Variants in SLC23A2 observed in about 807,000 individuals in gnomAD.
SLC23A2 encodes the protein Na(+)/L-ascorbic acid transporter 2.
SLC23A2 carries 36 observed loss-of-function variants against 73.3 expected under a neutral mutation model. That is an observed-to-expected ratio of 0.49 (90% CI 0.38 to 0.65). The LOEUF is 0.65. Ranked by LOEUF, SLC23A2 falls within the 30% of genes least tolerant of loss-of-function variation. SLC23A2 has a pLI of 0.00. For synonymous variants in SLC23A2, 343 were observed against 327.3 expected, an observed-to-expected ratio of 1.05 and a Z score of -0.52; for missense variants, 507 against 841.6, an observed-to-expected ratio of 0.60 and a Z score of 4.92.
chr20:5,005,273 T>C (rs910164873), upstream of SLC23A2, among the ~76,000 whole-genome samples: 6 of 152,076 alleles, frequency 3.9e-5, no homozygotes, highest in African/African-American at 1.4e-4. Flanking sequence ...ATATCATTAT[T>C]TTTACATAAT....
At chr20:4,931,633 G>A (rs56671692) in intron 3 of SLC23A2, among the ~76,000 whole-genome samples, 8,406 of 152,048 alleles carry the variant, frequency 0.055, 367 homozygotes, top group South Asian at 0.11. Flanking sequence ...TAGACTACAG[G>A]CTGCACACAC....
At chr20:4,978,931 A>G (rs1018951016) in intron 1 of SLC23A2, among the ~76,000 whole-genome samples, 4 of 152,208 alleles carry the variant, frequency 2.6e-5, no homozygotes, top group Admixed American at 2.0e-4. Context: ...TAAGGCTATT[A>G]TCTAAGTATG....
At position 4,917,432 on chromosome 20, in the gene SLC23A2, A is replaced by G. The variant is rs6038014; in HGVS notation, c.109-4454T>C. On this transcript the variant is annotated intron_variant, in intron 3 of 16. Coordinates refer to ENST00000338244, the MANE Select transcript of SLC23A2 (RefSeq NM_005116.6). ...CGGGGAGATGCCATCACAGCACAGC[A>G]GGGGGCACGGGAGTAAAGTGTCCAG... Among the ~76,000 whole-genome samples the G allele has an allele frequency of 2.4e-3, 363 of 152,228 alleles. 3 individuals carry two copies. Among genetic ancestry groups the G allele is most frequent in the African/African-American group, 8.5e-3 (355 of 41,546 alleles).
At chr20:4,919,008 G>A (rs771328891) in intron 3 of SLC23A2, among the ~76,000 whole-genome samples, 5 of 152,216 alleles carry the variant, frequency 3.3e-5, no homozygotes, top group South Asian at 2.1e-4. Context: ...TAATAGATTC[G>A]TGTTTCCCAG....
At position 4,975,208 on chromosome 20, in the gene SLC23A2, G is replaced by A. The variant is rs746251624; in HGVS notation, c.-281-4289C>T. On this transcript the variant is annotated intron_variant, in intron 1 of 16. Transcript: ENST00000338244. ...TCTTAGTTATTTCCCAGCCTTCCTC[G>A]TAAGAAATGGGAAATGAAAAAGCTT... Among the ~76,000 whole-genome samples the A allele has an allele frequency of 5.1e-4, 78 of 152,196 alleles. 1 individual carries two copies. Among genetic ancestry groups the A allele is most frequent in the Admixed American group, 3.6e-3 (55 of 15,282 alleles).
intron 1 of SLC23A2, among the ~76,000 whole-genome samples, chr20:4,990,057 T>C (rs1395043115): frequency 6.6e-6 from 1 of 152,064 alleles, no homozygotes; most frequent in Non-Finnish European, 1.5e-5. Flanking sequence ...ACGGCAAACT[T>C]AAGGTCACAT....
chr20:4,992,118 G>C (rs967952627), intron 1 of SLC23A2, among the ~76,000 whole-genome samples: 2 of 152,050 alleles, frequency 1.3e-5, no homozygotes. Flanking sequence ...TCAAGATGGA[G>C]GGAGTATTTT....
chr20:4,863,675 G>A lies in SLC23A2; in HGVS notation c.1357-768C>T, dbSNP rs1035993305. 1.3e-5 allele frequency among the ~76,000 whole-genome samples: 2 copies of A among 152,078 alleles called. No homozygotes were observed. Among genetic ancestry groups the A allele is most frequent in the African/African-American group, 2.4e-5 (1 of 41,408 alleles). Reference sequence around the variant, plus strand: ...AATTGGGGAGGCTGGTCCCCTGCTTGCATCCTCTGGTACTCATGAAATAAA... The same window carrying A: ...AATTGGGGAGGCTGGTCCCCTGCTTACATCCTCTGGTACTCATGAAATAAA... On this transcript the variant is annotated intron_variant, in intron 13 of 16. Coordinates refer to ENST00000338244, the MANE Select transcript of SLC23A2 (RefSeq NM_005116.6). The surrounding 1 kb of genome is among the most constrained non-coding windows in gnomAD (Gnocchi z 4.8).
At chr20:4,959,081 T>C (rs1236575450) in intron 2 of SLC23A2, among the ~76,000 whole-genome samples, 1 of 151,456 alleles carries the variant, frequency 6.6e-6, no homozygotes, top group Non-Finnish European at 1.5e-5. Context: ...TAGCTGGGCA[T>C]GGTAGCACAT....
intron 1 of SLC23A2, among the ~76,000 whole-genome samples, chr20:5,009,429 G>A (rs140953060): frequency 1.2e-3 from 183 of 152,274 alleles, no homozygotes; most frequent in African/African-American, 3.7e-3. Flanking sequence ...CTAGGCTGGT[G>A]CAAGTATACT....
At position 4,874,567 on chromosome 20, in the gene SLC23A2, G is replaced by C; in HGVS notation, c.945+9C>G. ...AAAATGTCAGCAGGGGAAGAAGTCA[G>C]CTACTCACAGGGAACATTTTGAACA... On this transcript the variant is annotated intron_variant, in intron 10 of 16. Transcript: ENST00000338244. 1 of 1,584,320 alleles carries C rather than the reference G, an allele frequency of 6.3e-7. No homozygotes were observed. Among genetic ancestry groups the C allele is most frequent in the Non-Finnish European group, 8.6e-7 (1 of 1,165,930 alleles).
At chr20:4,893,552 A>G (rs1202851010) in intron 6 of SLC23A2, among the ~76,000 whole-genome samples, 1 of 152,150 alleles carries the variant, frequency 6.6e-6, no homozygotes, top group Non-Finnish European at 1.5e-5. Flanking sequence ...AGTCTCCTGG[A>G]GCCACCCCTT....
chr20:4,879,425 A>AAAAAAG, intron 9 of SLC23A2, among the ~76,000 whole-genome samples: 1 of 151,354 alleles, frequency 6.6e-6, no homozygotes, highest in South Asian at 2.1e-4. Context: ...AAAAAAAAAA[A>AAAAAAG]AAAAAAAATC....
rs778859781 is a variant in SLC23A2, at chr20:4,862,776, A to C, written c.1486+2T>G. The stretch of plus-strand genomic sequence containing the variant: ...GGAAAAAGCCAGAGAGGGGAGTCTT[A>C]CCAAAGAGCGTGCAGAACAGGGCTC... On this transcript the variant is annotated splice_donor_variant, in intron 14 of 16. Transcript: ENST00000338244. LOFTEE classifies it high-confidence loss of function. This position sits in a 1 kb window ranked among gnomAD's most constrained non-coding sequence, Gnocchi z 5.1. The C allele has an allele frequency of 6.2e-7, 1 of 1,610,400 alleles. No homozygotes were observed. Among genetic ancestry groups the C allele is most frequent in the Non-Finnish European group, 8.5e-7 (1 of 1,177,182 alleles).
intron 4 of SLC23A2, among the ~76,000 whole-genome samples, chr20:4,910,952 C>T (rs1012595870): frequency 1.3e-5 from 2 of 152,160 alleles, no homozygotes; most frequent in East Asian, 3.8e-4. Context: ...ACAACTGGAT[C>T]CCTCCCATCA....
At chr20:4,968,882 C>T (rs1011850459) in intron 2 of SLC23A2, among the ~76,000 whole-genome samples, 1 of 151,646 alleles carries the variant, frequency 6.6e-6, no homozygotes, top group African/African-American at 2.4e-5. Context: ...CCATGCCTGG[C>T]TAATTTTTGT....
intron 4 of SLC23A2, among the ~76,000 whole-genome samples, chr20:4,903,759 T>C (rs1373080582): frequency 6.6e-6 from 1 of 152,206 alleles, no homozygotes; most frequent in Non-Finnish European, 1.5e-5. Flanking sequence ...TAACAAGGGA[T>C]ACTGGCAAAT....
intron 3 of SLC23A2, 56 bp from the exon 4 acceptor site, chr20:4,913,034 C>G (rs543346270): frequency 1.6e-4 from 189 of 1,159,526 alleles, no homozygotes; most frequent in East Asian, 1.0e-3. Context: ...TTTCCTCCCC[C>G]CGAAAGCCAT....
chr20:4,890,218 T>A (rs1286820947), intron 6 of SLC23A2, among the ~76,000 whole-genome samples: 5 of 152,164 alleles, frequency 3.3e-5, no homozygotes, highest in African/African-American at 1.2e-4. Context: ...AACCCTGCAT[T>A]GTCAAATGAA....
Sources: allele counts gnomAD v4.1 joint callset (sites outside exome capture counted in the v4.1 genomes callset), GRCh38; gene constraint gnomAD v4.1.1; non-coding constraint Gnocchi (gnomAD v3.1); transcripts MANE v1.5; gene names NCBI Gene and HGNC (gene_info 2026-07-23, HGNC 2026-07-21).